Variants in ENTPD7 observed in about 807,000 individuals in gnomAD.
ENTPD7 encodes NTPDase 7.
ENTPD7 carries 53 observed loss-of-function variants against 77.9 expected under a neutral mutation model. The observed-to-expected ratio is 0.68, with a 90% CI of 0.55 to 0.85. The LOEUF is 0.85. ENTPD7 is among the 40% of genes least tolerant of loss of function. ENTPD7 has a pLI of 0.00. For synonymous variants in ENTPD7, 248 were observed against 274.9 expected (o/e 0.90, Z 0.97); for missense variants, 636 against 743.7 (o/e 0.86, Z 1.68).
rs1172167619 is a variant in ENTPD7 at position 99,659,907 on chromosome 10, G to C, written c.-50G>C. 6.2e-7 allele frequency: 1 copy of C among 1,613,776 alleles called. No individual in the cohort carries two copies. The highest frequency in any genetic ancestry group is 1.1e-5 in the South Asian group (1 of 91,056). ...CTGGGACAAGGAGGCCACCTTCTCA[G>C]GGCAAAAGAAAAAGAAGGTGACAGG... is the stretch of plus-strand genomic sequence containing the variant. On this transcript the variant is annotated 5_prime_UTR_variant, in exon 2 of 13. Coordinates refer to ENST00000370489, the MANE Select transcript of ENTPD7 (RefSeq NM_020354.5). This position sits in a 1 kb window ranked among gnomAD's most constrained non-coding sequence, Gnocchi z 4.1.
chr10:99,687,328 G>A (rs187690432), intron 6 of ENTPD7, among the ~76,000 whole-genome samples: 17 of 113,060 alleles, frequency 1.5e-4, no homozygotes, highest in African/African-American at 1.4e-4. Context: ...GTGCAGTGTC[G>A]TGGTCTCGGC....
chr10:99,660,285 GTTTT>G (rs1218867103), intron 2 of ENTPD7: 1 of 985,020 alleles, frequency 1.0e-6, no homozygotes, highest in Admixed American at 6.1e-5. Flanking sequence ...AAGTTTTTTT[GTTTT>G]TTGTTTGCAG....
At chr10:99,678,949 T>G (rs1344917975) in intron 3 of ENTPD7, among the ~76,000 whole-genome samples, 1 of 149,998 alleles carries the variant, frequency 6.7e-6, no homozygotes, top group African/African-American at 2.5e-5. Context: ...AAAAACCAAT[T>G]ATTTATTCAG....
At chr10:99,695,520 CAA>C (rs1206082662) in intron 8 of ENTPD7, among the ~76,000 whole-genome samples, 2 of 113,942 alleles carry the variant, frequency 1.8e-5, no homozygotes. Flanking sequence ...GACTCTGTCT[CAA>C]AAAAAAAAAG....
chr10:99,679,184 T>C (rs1564629983), intron 3 of ENTPD7, 77 bp from the exon 4 acceptor site: 2 of 1,404,764 alleles, frequency 1.4e-6, no homozygotes. Flanking sequence ...TGAAGATTCA[T>C]GAACAAATGA....
At chr10:99,673,491 G>A (rs2035640505) in intron 3 of ENTPD7, among the ~76,000 whole-genome samples, 1 of 152,128 alleles carries the variant, frequency 6.6e-6, no homozygotes, top group South Asian at 2.1e-4. Context: ...TGCCCAGAGG[G>A]GAAAACTGTT....
At chr10:99,677,407 C>CAGGCT (rs2035697197) in intron 3 of ENTPD7, among the ~76,000 whole-genome samples, 1 of 147,426 alleles carries the variant, frequency 6.8e-6, no homozygotes, top group Non-Finnish European at 1.5e-5. Context: ...CTCTGTCACC[C>CAGGCT]AGGCTAGAGT....
In ENTPD7 at chr10:99,708,573, G is replaced by GA. The variant is rs1186829926; in HGVS notation, c.*3895dup. On this transcript the variant is annotated 3_prime_UTR_variant, in exon 13 of 13. Coordinates refer to ENST00000370489, the MANE Select transcript of ENTPD7 (RefSeq NM_020354.5). ...GAAACTAAAGGCAGAAGACAAGGTAGAAAAATCATATGATTTTGGGAAGAG... is the reference window on the plus strand; with the variant it reads ...GAAACTAAAGGCAGAAGACAAGGTAGAAAAAATCATATGATTTTGGGAAGAG... Among the ~76,000 whole-genome samples, 7 of 152,190 alleles carry GA rather than the reference G, an allele frequency of 4.6e-5. No individual in the cohort carries two copies. Among genetic ancestry groups the GA allele is most frequent in the Non-Finnish European group, 1.5e-5 (1 of 68,020 alleles).
chr10:99,708,356 T>A lies in ENTPD7; in HGVS notation c.*3673T>A, dbSNP rs2036291828. On this transcript the variant is annotated 3_prime_UTR_variant, in exon 13 of 13. Transcript: ENST00000370489. ...TAAACAGATGCTTCTCACAGTTTTA[T>A]GTTTTGTTTTTTGTCAGGGATGAAA... is the stretch of plus-strand genomic sequence containing the variant. Among the ~76,000 whole-genome samples, 1 of 152,218 alleles carries A rather than the reference T, an allele frequency of 6.6e-6. No homozygotes were observed. The highest frequency in any genetic ancestry group is 2.1e-4 in the South Asian group (1 of 4,828).
At chr10:99,691,126 A>G (rs1157855528) in intron 7 of ENTPD7, among the ~76,000 whole-genome samples, 1 of 152,122 alleles carries the variant, frequency 6.6e-6, no homozygotes, top group Middle Eastern at 3.2e-3. Flanking sequence ...AGCTGGGACT[A>G]CAGGTGTGCA....
At chr10:99,662,427 A>G (rs2035498666) in intron 3 of ENTPD7, among the ~76,000 whole-genome samples, 1 of 152,120 alleles carries the variant, frequency 6.6e-6, no homozygotes, top group South Asian at 2.1e-4. Flanking sequence ...CACATCTAGA[A>G]CAAGAACCTA....
In ENTPD7 at chr10:99,698,762, C is replaced by T. The variant is rs1590058599; in HGVS notation, c.1239C>T (p.Ser413=). The change falls in exon 10 of 13, where the codon AGC becomes AGT. Residue 413 remains serine (S), a synonymous_variant. Coordinates refer to ENST00000370489, the MANE Select transcript of ENTPD7 (RefSeq NM_020354.5). ...IYQSPIDFNN[S]EFYGFSEFFY... is the part of the protein sequence containing the mutation. ...AATCGCCTATTGACTTCAACAACAG[C>T]GAGTTCTACGGCTTCTCTGAGTTTT... 5.0e-6 allele frequency: 8 copies of T among 1,614,122 alleles called. No individual in the cohort carries two copies. The highest frequency in any genetic ancestry group is 3.3e-5 in the Admixed American group (2 of 60,006).
Position 99,704,716 on chromosome 10 carries a change from C to A in ENTPD7, c.*33C>A. The stretch of plus-strand genomic sequence containing the variant: ...CCAGGACTAGAGAAGCTTGAGCACC[C>A]CCGAGTTGCTGCTCATTGAATTCCT... On this transcript the variant is annotated 3_prime_UTR_variant, in exon 13 of 13. Coordinates refer to ENST00000370489, the MANE Select transcript of ENTPD7 (RefSeq NM_020354.5). 1 of 1,573,778 alleles carries A rather than the reference C, an allele frequency of 6.4e-7. No homozygotes were observed.
At chr10:99,671,267 C>T (rs561739574) in intron 3 of ENTPD7, among the ~76,000 whole-genome samples, 5 of 152,096 alleles carry the variant, frequency 3.3e-5, no homozygotes, top group South Asian at 4.1e-4. Flanking sequence ...TTTCCACTTT[C>T]TAAGCTTTGA....
chr10:99,672,185 A>C (rs549118044), intron 3 of ENTPD7, among the ~76,000 whole-genome samples: 1 of 152,090 alleles, frequency 6.6e-6, no homozygotes, highest in African/African-American at 2.4e-5. Context: ...GGGTCTCACT[A>C]TGTTGCCCAG....
rs2035455743 is a variant in ENTPD7, at chr10:99,659,951, G to A, written c.-6G>A. 1 of 1,613,934 alleles carries A rather than the reference G, an allele frequency of 6.2e-7. No individual in the cohort carries two copies. The highest frequency in any genetic ancestry group is 1.3e-5 in the African/African-American group (1 of 74,928). On this transcript the variant is annotated 5_prime_UTR_variant, in exon 2 of 13. Transcript: ENST00000370489. This position sits in a 1 kb window ranked among gnomAD's most constrained non-coding sequence, Gnocchi z 4.1. The stretch of plus-strand genomic sequence containing the variant: ...TGACAGGCGTTGAGACCACCGAAGG[G>A]AACCCATGGCTAGGTAAGGCTGCAC...
rs201008009 is a variant in ENTPD7 at position 99,678,494 on chromosome 10, T to TA, written c.192-766dup. ...AAAAAAGAAAAAAGAAAAAAAAAGA[T>TA]ATATGTATATATATAAAATATTGTA... On this transcript the variant is annotated intron_variant, in intron 3 of 12. Coordinates refer to ENST00000370489, the MANE Select transcript of ENTPD7 (RefSeq NM_020354.5). Among the ~76,000 whole-genome samples, 1,248 of 151,314 alleles carry TA rather than the reference T, an allele frequency of 8.2e-3. 13 individuals carry two copies. Among genetic ancestry groups the TA allele is most frequent in the African/African-American group, 0.028 (1,165 of 41,320 alleles).
At position 99,680,638 on chromosome 10, in the gene ENTPD7, G is replaced by A. The variant is rs74674640; in HGVS notation, c.548+763G>A. Among the ~76,000 whole-genome samples, 1,817 of 151,690 alleles carry A rather than the reference G, an allele frequency of 0.012. 138 individuals carry two copies. In the East Asian group the frequency reaches 0.21, roughly 18 times the overall value. On this transcript the variant is annotated intron_variant, in intron 5 of 12. Transcript: ENST00000370489. ...GGTCTGCTCTGTTGCCCAGGCTGGA[G>A]GGCAGTGGTGTGATCACAGCTCACT...
At position 99,680,295 on chromosome 10, in the gene ENTPD7, C is replaced by T. The variant is rs553791779; in HGVS notation, c.548+420C>T. Among the ~76,000 whole-genome samples the T allele has an allele frequency of 8.5e-5, 13 of 152,260 alleles. No homozygotes were observed. In the East Asian group the frequency reaches 2.5e-3, roughly 29 times the overall value. ...TCTTGCTGCTACTGCAAAGCTCAGT[C>T]TCCATTGCCTTAGGCCTGTTTTCTC... On this transcript the variant is annotated intron_variant, in intron 5 of 12. Coordinates refer to ENST00000370489, the MANE Select transcript of ENTPD7 (RefSeq NM_020354.5).
Sources: gnomAD v4.1 joint callset for allele counts (sites outside exome capture counted in the v4.1 genomes callset) on GRCh38, gnomAD v4.1.1 for gene constraint, Gnocchi (gnomAD v3.1) non-coding constraint, MANE v1.5 for transcripts, NCBI Gene and HGNC (gene_info 2026-07-23, HGNC 2026-07-21) for gene names.